Variants in C1orf52 observed in about 807,000 individuals in gnomAD.
C1orf52 encodes UPF0690 protein C1orf52.
In C1orf52, 5 loss-of-function variants were observed where a neutral mutation model predicts 17.2. That is an observed-to-expected ratio of 0.29 (90% CI 0.15 to 0.61). The LOEUF (loss-of-function observed/expected upper bound fraction) is 0.61. Among genes scored for constraint, C1orf52 ranks in the 20% least tolerant of loss-of-function variants. The pLI is 0.85. For synonymous variants in C1orf52, 110 were observed against 88.0 expected (o/e 1.25, Z -1.40); for missense variants, 245 against 234.1 (o/e 1.05, Z -0.30).
chr1:85,252,001 T>C lies in C1orf52; in HGVS notation c.*628A>G, dbSNP rs764095458. 23 of 152,194 alleles carry C rather than the reference T, an allele frequency of 1.5e-4. No homozygotes were observed. The highest frequency in any genetic ancestry group is 3.3e-4 in the Admixed American group (5 of 15,278). The allele number at this position is 152,194 out of a possible 1,614,324, so 9.4% of individuals were successfully genotyped here. On this transcript the variant is annotated 3_prime_UTR_variant, in exon 3 of 3. Transcript: ENST00000471115. The stretch of plus-strand genomic sequence containing the variant: ...GACAAGCTACTCAAGCACTCTTTAT[T>C]ATAAAATGAGAATACTAATAATACC...
At position 85,258,626 on chromosome 1, in the gene C1orf52, C is replaced by T. The variant is rs867156527; in HGVS notation, c.373G>A (p.Ala125Thr). 1.9e-6 allele frequency: 3 copies of T among 1,613,902 alleles called. No homozygotes were observed. In the East Asian group the frequency reaches 6.7e-5, roughly 36 times the overall value. ...TCATATATGTTAGACCATTTTATTG[C>T]CATGTCAAGCTCTGGAGGCGGAGGC... ...KKPPPPELDM[A>T]IKWSNIYEDN... Residue 125 changes from alanine (A) to threonine (T), a missense_variant, in exon 2 of 3, where the codon GCA becomes ACA. Physicochemically the swap from Ala to Thr is moderately conservative, Grantham distance 58. Transcript: ENST00000471115.
intron 2 of C1orf52, among the ~76,000 whole-genome samples, chr1:85,255,987 T>A (rs556776607): frequency 6.6e-6 from 1 of 152,358 alleles, no homozygotes; most frequent in African/African-American, 2.4e-5. Flanking sequence ...GATAATTCTT[T>A]CTTGCTTGCT....
In C1orf52 at chr1:85,250,193, C is replaced by T. The variant is rs888703420; in HGVS notation, c.*2436G>A. 1 of 152,138 alleles carries T rather than the reference C, an allele frequency of 6.6e-6. No individual in the cohort carries two copies. The highest frequency in any genetic ancestry group is 2.4e-5 in the African/African-American group (1 of 41,424). The allele number at this position is 152,138 out of a possible 1,614,324, so 9.4% of individuals were successfully genotyped here. A position where few individuals can be genotyped will look rare whatever the true frequency, so the allele number is the denominator to read the frequency against. On this transcript the variant is annotated 3_prime_UTR_variant, in exon 3 of 3. Transcript: ENST00000471115. ...CCCATAATTCAGTCACCACCCATGA[C>T]ACGTGGGAATTGTGGGAATTACAAT...
intron 2 of C1orf52, among the ~76,000 whole-genome samples, chr1:85,256,688 G>T (rs878929631): frequency 2.6e-5 from 4 of 151,396 alleles, no homozygotes; most frequent in Non-Finnish European, 2.9e-5. Context: ...AGTCCCAGCT[G>T]CTTGGGAGGC....
At chr1:85,259,219 T>TGAGGTGGGAG in intron 1 of C1orf52, 139 bp downstream of exon 1, 1 of 1,058,300 alleles carries the variant, frequency 9.4e-7, no homozygotes, top group Non-Finnish European at 1.3e-6. Context: ...TCCCAGGGCT[T>TGAGGTGGGAG]GAGGTGGGAG....
chr1:85,252,891 AT>A (rs995297985), intron 2 of C1orf52, among the ~76,000 whole-genome samples, 189 bp from the exon 3 acceptor site: 5 of 150,664 alleles, frequency 3.3e-5, no homozygotes, highest in Admixed American at 1.3e-4. Context: ...AAAGTGAGCA[AT>A]TTTTTTTTTC....
chr1:85,253,355 C>T (rs1020735834), intron 2 of C1orf52, among the ~76,000 whole-genome samples: 1 of 152,142 alleles, frequency 6.6e-6, no homozygotes, highest in African/African-American at 2.4e-5. Flanking sequence ...CTTTTCCTTT[C>T]AATCTGCTTT....
At chr1:85,259,144 C>T in intron 1 of C1orf52, 2 of 1,203,838 alleles carry the variant, frequency 1.7e-6, no homozygotes, top group African/African-American at 1.5e-5. Context: ...GTTTGGGTCT[C>T]CTCACAAGGG....
At position 85,251,307 on chromosome 1, in the gene C1orf52, T is replaced by C. The variant is rs1659796131; in HGVS notation, c.*1322A>G. 6.6e-6 allele frequency: 1 copy of C among 152,220 alleles called. No individual in the cohort carries two copies. The highest frequency in any genetic ancestry group is 1.5e-5 in the Non-Finnish European group (1 of 68,046). The allele number at this position is 152,220 out of a possible 1,614,324, so 9.4% of individuals were successfully genotyped here. On this transcript the variant is annotated 3_prime_UTR_variant, in exon 3 of 3. Transcript: ENST00000471115. ...CTCAAGCTATCCTCCCACCTTGGCC[T>C]CCCAAAGTGCTGGGATTACAAGCAT...
chr1:85,254,755 T>C (rs1659888877), intron 2 of C1orf52, among the ~76,000 whole-genome samples: 1 of 152,238 alleles, frequency 6.6e-6, no homozygotes, highest in Non-Finnish European at 1.5e-5. Context: ...GTAGTGATAA[T>C]ATAAAAATGG....
chr1:85,259,295 G>C, intron 1 of C1orf52, 63 bp downstream of exon 1: 7 of 1,556,070 alleles, frequency 4.5e-6, no homozygotes, highest in Non-Finnish European at 6.1e-6. Context: ...CCCCAGCAGG[G>C]GGCTCAGGAG....
At chr1:85,259,334 G>A in intron 1 of C1orf52, 24 bp downstream of exon 1, 2 of 1,602,284 alleles carry the variant, frequency 1.2e-6, no homozygotes, top group Non-Finnish European at 1.7e-6. Flanking sequence ...GGCCGAGACC[G>A]AGAAACGGGG....
chr1:85,257,345 T>C (rs915137856), intron 2 of C1orf52: 11 of 645,818 alleles, frequency 1.7e-5, no homozygotes, highest in Non-Finnish European at 3.1e-5. Flanking sequence ...TTCTTTTGAT[T>C]TGGATTTTGA....
At chr1:85,255,856 G>C (rs1260206027) in intron 2 of C1orf52, among the ~76,000 whole-genome samples, 1 of 152,144 alleles carries the variant, frequency 6.6e-6, no homozygotes, top group Non-Finnish European at 1.5e-5. Context: ...GCCTGTATTT[G>C]TTTTCCAATA....
rs985957592 is a variant in C1orf52 at position 85,259,615 on chromosome 1, C to G, written c.19G>C (p.Asp7His). 1.9e-6 allele frequency: 3 copies of G among 1,565,632 alleles called. No individual in the cohort carries two copies. Among genetic ancestry groups the G allele is most frequent in the Non-Finnish European group, 1.7e-6 (2 of 1,155,238 alleles). MAAEEK[D>H]PLSYFAAYGS... Reference sequence around the variant, plus strand: ...TATGCCGCAAAATAGCTCAGAGGGTCCTTCTCCTCCGCTGCCATGACGGCT... The same window carrying G: ...TATGCCGCAAAATAGCTCAGAGGGTGCTTCTCCTCCGCTGCCATGACGGCT... Residue 7 changes from aspartate to histidine, a missense_variant, in exon 1 of 3, where the codon GAC becomes CAC. Coordinates refer to ENST00000471115, the MANE Select transcript of C1orf52 (RefSeq NM_198077.4).
At chr1:85,259,014 A>T in intron 1 of C1orf52, 2 of 1,326,772 alleles carry the variant, frequency 1.5e-6, no homozygotes, top group South Asian at 3.4e-5. Context: ...TCTTGGAGGC[A>T]GCACCGCAGG....
At position 85,252,437 on chromosome 1, in the gene C1orf52, G is replaced by T; in HGVS notation, c.*192C>A. 1 of 504,712 alleles carries T rather than the reference G, an allele frequency of 2.0e-6. No homozygotes were observed. Among genetic ancestry groups the T allele is most frequent in the Non-Finnish European group, 3.5e-6 (1 of 288,158 alleles). 31.3% of individuals were successfully genotyped at this position (504,712 alleles called of 1,614,324 possible). On this transcript the variant is annotated 3_prime_UTR_variant, in exon 3 of 3. Coordinates refer to ENST00000471115, the MANE Select transcript of C1orf52 (RefSeq NM_198077.4). ...ATTTCACAATCACAAGTCACCAGTT[G>T]AGTTTTAAATACATACATGTTTTAA...
rs112116087 is a variant in C1orf52 at position 85,250,906 on chromosome 1, TAAA to T, written c.*1720_*1722del. On this transcript the variant is annotated 3_prime_UTR_variant, in exon 3 of 3. Transcript: ENST00000471115. ...AAATTCATTACAAAGACTACAATCT[TAAA>T]AAAACATATTCTTGCTTTAGCAATT... The T allele has an allele frequency of 6.6e-6, 1 of 152,212 alleles. No individual in the cohort carries two copies. The highest frequency in any genetic ancestry group is 1.5e-5 in the Non-Finnish European group (1 of 68,028). The allele number at this position is 152,212 out of a possible 1,614,324, so 9.4% of individuals were successfully genotyped here.
At position 85,250,519 on chromosome 1, in the gene C1orf52, G is replaced by C. The variant is rs1193793499; in HGVS notation, c.*2110C>G. ...ATTCTCTAATGTGATGATGAATGTAGAGTGATATGACAGTCCGTTTTCCAA... is the reference window on the plus strand; with the variant it reads ...ATTCTCTAATGTGATGATGAATGTACAGTGATATGACAGTCCGTTTTCCAA... On this transcript the variant is annotated 3_prime_UTR_variant, in exon 3 of 3. Transcript: ENST00000471115. 6.6e-6 allele frequency: 1 copy of C among 152,030 alleles called. No individual in the cohort carries two copies. 9.4% of individuals were successfully genotyped at this position (152,030 alleles called of 1,614,324 possible).
Sources: allele counts gnomAD v4.1 joint callset (sites outside exome capture counted in the v4.1 genomes callset), GRCh38; gene constraint gnomAD v4.1.1; transcripts MANE v1.5; gene names NCBI Gene and HGNC (gene_info 2026-07-23, HGNC 2026-07-21).